The following PRKCH variants were observed in gnomAD, a reference collection of about 807,000 sequenced individuals.
PRKCH encodes protein kinase C eta type.
Under a neutral mutation model 82.5 loss-of-function variants are expected in PRKCH, and 28 were observed. That is an observed-to-expected ratio of 0.34 (90% CI 0.25 to 0.47). The LOEUF is 0.47. Ranked by LOEUF, PRKCH falls within the 20% of genes least tolerant of loss-of-function variation. The probability of loss-of-function intolerance (pLI) is 1.00; values close to 1 mark genes in which losing one functional copy is unlikely to be tolerated. For synonymous variants in PRKCH, 322 were observed against 327.4 expected (o/e 0.98, Z 0.18); for missense variants, 705 against 881.8 (o/e 0.80, Z 2.54).
chr14:61,238,278 A>G (rs918767368), intron 1 of PRKCH, among the ~76,000 whole-genome samples: 1 of 152,140 alleles, frequency 6.6e-6, no homozygotes, highest in Non-Finnish European at 1.5e-5. Flanking sequence ...ACCCCTGACC[A>G]TTTTACCCAC....
intron 1 of PRKCH, among the ~76,000 whole-genome samples, chr14:61,266,463 C>T (rs2045102331): frequency 6.6e-6 from 1 of 151,966 alleles, no homozygotes. Flanking sequence ...ATTATAGGTC[C>T]AGAAAGTATG....
At chr14:61,273,699 C>T (rs1283289508) in intron 1 of PRKCH, among the ~76,000 whole-genome samples, 1 of 152,190 alleles carries the variant, frequency 6.6e-6, no homozygotes, top group Non-Finnish European at 1.5e-5. Context: ...CATTTCCATG[C>T]TGTTAAGAAT....
rs1043741092 is a variant in PRKCH at position 61,260,838 on chromosome 14, C to T, written c.-19+73170C>T. On this transcript the variant is annotated intron_variant, in intron 1 of 3. Coordinates refer to the PRKCH transcript ENST00000555185. ...TAATCACAAAACGTGAAATGAAAGA[C>T]ATATCAAAGAAATATCAAACATTCT... is the stretch of plus-strand genomic sequence containing the variant. Among the ~76,000 whole-genome samples the T allele has an allele frequency of 5.3e-5, 8 of 152,238 alleles. No individual in the cohort carries two copies. The South Asian group carries it at 1.0e-3, about 20-fold the overall frequency.
At chr14:61,379,415 T>C (rs946066366) in intron 1 of PRKCH, among the ~76,000 whole-genome samples, 1 of 152,254 alleles carries the variant, frequency 6.6e-6, no homozygotes, top group African/African-American at 2.4e-5. Context: ...AAAGTTTCCC[T>C]GCAGACTGAG....
intron 1 of PRKCH, among the ~76,000 whole-genome samples, chr14:61,283,031 T>C (rs560018449): frequency 7.3e-5 from 11 of 151,226 alleles, no homozygotes; most frequent in African/African-American, 1.5e-4. Context: ...TTCACAACTT[T>C]TGTAGATTTT....
At chr14:61,413,028 C>T (rs1385311784) in intron 2 of PRKCH, among the ~76,000 whole-genome samples, 2 of 152,078 alleles carry the variant, frequency 1.3e-5, no homozygotes, top group Non-Finnish European at 2.9e-5. Context: ...GCTGCTTCTC[C>T]TGTGGTGATT....
chr14:61,447,933 A>G (rs1884304280), intron 4 of PRKCH, among the ~76,000 whole-genome samples: 1 of 152,240 alleles, frequency 6.6e-6, no homozygotes, highest in Non-Finnish European at 1.5e-5. Context: ...AAGAAAAGAA[A>G]TAATACAATT....
At chr14:61,367,766 G>C (rs1407913368) in intron 1 of PRKCH, among the ~76,000 whole-genome samples, 2 of 149,706 alleles carry the variant, frequency 1.3e-5, no homozygotes, top group Non-Finnish European at 3.0e-5. Flanking sequence ...CCAGGCTGGA[G>C]TGCAGTGGCG....
chr14:61,199,964 G>A lies in PRKCH; in HGVS notation c.-19+12296G>A, dbSNP rs140346821. The stretch of plus-strand genomic sequence containing the variant: ...TACACAAGCTAGCTTTCCTTATCAA[G>A]GAACAGAAATATTCCTTCCTCTTAC... On this transcript the variant is annotated intron_variant, in intron 1 of 3. Coordinates refer to the PRKCH transcript ENST00000555185. Among the ~76,000 whole-genome samples the A allele has an allele frequency of 2.8e-4, 42 of 152,220 alleles. 2 individuals carry two copies. The East Asian group carries it at 7.9e-3, about 29-fold the overall frequency.
At chr14:61,293,472 A>G (rs2045380545) in intron 1 of PRKCH, among the ~76,000 whole-genome samples, 1 of 152,174 alleles carries the variant, frequency 6.6e-6, no homozygotes, top group Non-Finnish European at 1.5e-5. Flanking sequence ...CCTTACATTC[A>G]AGTAGATATG....
chr14:61,491,488 T>A (rs1375785783), intron 10 of PRKCH, among the ~76,000 whole-genome samples: 1 of 152,246 alleles, frequency 6.6e-6, no homozygotes, highest in African/African-American at 2.4e-5. Flanking sequence ...TTTGAGCTTT[T>A]TAGTCATGTG....
rs1452331563 is a variant in PRKCH at position 61,280,296 on chromosome 14, G to A, written c.-19+92628G>A. On this transcript the variant is annotated intron_variant, in intron 1 of 3. Coordinates refer to the PRKCH transcript ENST00000555185. The surrounding 1 kb of genome is among the most constrained non-coding windows in gnomAD (Gnocchi z 5.0). ...CCGGGTAGTTGTAGGTGATGTTGACGCGGTAGGCGCCCCGCGGCAGCCCGG... is the reference window on the plus strand; with the variant it reads ...CCGGGTAGTTGTAGGTGATGTTGACACGGTAGGCGCCCCGCGGCAGCCCGG... 1.2e-6 allele frequency: 2 copies of A among 1,613,808 alleles called. No individual in the cohort carries two copies. The highest frequency in any genetic ancestry group is 1.7e-5 in the Admixed American group (1 of 60,000).
At chr14:61,252,595 G>T (rs185865105) in intron 1 of PRKCH, among the ~76,000 whole-genome samples, 3 of 152,140 alleles carry the variant, frequency 2.0e-5, no homozygotes, top group African/African-American at 7.2e-5. Context: ...CAGAGGCAAC[G>T]TGACTTCCCC....
At chr14:61,501,464 G>A (rs1204097697) in intron 10 of PRKCH, among the ~76,000 whole-genome samples, 3 of 151,668 alleles carry the variant, frequency 2.0e-5, no homozygotes, top group Non-Finnish European at 2.9e-5. Context: ...AAGCAGTAGC[G>A]AAAGCTACAC....
chr14:61,367,950 G>A (rs1184222382), intron 1 of PRKCH, among the ~76,000 whole-genome samples: 2 of 151,776 alleles, frequency 1.3e-5, no homozygotes, highest in East Asian at 1.9e-4. Flanking sequence ...TCCTGACCTC[G>A]TGATCCGCCT....
intron 1 of PRKCH, among the ~76,000 whole-genome samples, chr14:61,341,444 C>A (rs1425918628): frequency 6.6e-6 from 1 of 152,136 alleles, no homozygotes. Context: ...ATAAACAGGC[C>A]TGAGCATGCC....
Position 61,547,834 on chromosome 14 carries a change from A to G in PRKCH, c.1853A>G (p.Asp618Gly). 1 of 1,614,084 alleles carries G rather than the reference A, an allele frequency of 6.2e-7. No individual in the cohort carries two copies. The highest frequency in any genetic ancestry group is 8.5e-7 in the Non-Finnish European group (1 of 1,179,990). The change falls in exon 13 of 14, where the codon GAC becomes GGC. Residue 618 changes from aspartate (D) to glycine (G), a missense_variant. By Grantham distance (94) the Asp-to-Gly change is moderately conservative. Transcript: ENST00000332981. The stretch of plus-strand genomic sequence containing the variant: ...AGACATCCTTTTTTTAAGGAAATCG[A>G]CTGGGCCCAGCTGAACCATCGCCAA... The part of the protein sequence containing the change: ...ILRHPFFKEI[D>G]WAQLNHRQIE...
At chr14:61,302,797 G>A (rs796541668) in intron 1 of PRKCH, among the ~76,000 whole-genome samples, 26 of 152,120 alleles carry the variant, frequency 1.7e-4, no homozygotes, top group African/African-American at 6.3e-4. Flanking sequence ...ATTTCAGCAC[G>A]AGATCTATCT....
At chr14:61,224,042 G>A (rs951993030) in intron 1 of PRKCH, among the ~76,000 whole-genome samples, 1 of 152,194 alleles carries the variant, frequency 6.6e-6, no homozygotes, top group African/African-American at 2.4e-5. Flanking sequence ...ACAGTCATAT[G>A]TTTCATAACT....
Sources: gnomAD v4.1 joint callset for allele counts (sites outside exome capture counted in the v4.1 genomes callset) on GRCh38, gnomAD v4.1.1 for gene constraint, Gnocchi (gnomAD v3.1) non-coding constraint, MANE v1.5 for transcripts, NCBI Gene and HGNC (gene_info 2026-07-23, HGNC 2026-07-21) for gene names.